Variants in SRPK2 observed in about 807,000 individuals in gnomAD.
SRPK2 encodes the protein SRSF protein kinase 2, also known as SFRS protein kinase 2.
SRPK2 carries 21 observed loss-of-function variants against 90.8 expected under a neutral mutation model. The observed-to-expected ratio is 0.23, with a 90% CI of 0.16 to 0.33. The LOEUF is 0.33. SRPK2 is among the 10% of genes least tolerant of loss of function. SRPK2 has a pLI of 1.00. For missense variants in SRPK2, 620 were observed against 869.0 expected (o/e 0.71, Z 3.60); for synonymous variants, 288 against 311.1 (o/e 0.93, Z 0.78).
At position 105,388,834 on chromosome 7, in the gene SRPK2, G is replaced by T; in HGVS notation, c.-28C>A. 9 of 1,335,868 alleles carry T rather than the reference G, an allele frequency of 6.7e-6. No homozygotes were observed. Among genetic ancestry groups the T allele is most frequent in the South Asian group, 2.0e-5 (1 of 50,046 alleles). 82.8% of individuals were successfully genotyped at this position (1,335,868 alleles called of 1,614,324 possible). A position where few individuals can be genotyped will look rare whatever the true frequency, so the allele number is the denominator to read the frequency against. The stretch of plus-strand genomic sequence containing the variant: ...CGACGCGGCGGAAGCGGGGCGGGGG[G>T]CTTCGCGACGGCGACGCGGGCGCCG... On this transcript the variant is annotated 5_prime_UTR_variant, in exon 1 of 16. Transcript: ENST00000393651.
intron 2 of SRPK2, among the ~76,000 whole-genome samples, chr7:105,233,092 G>GA (rs71853316): frequency 0.044 from 381 of 8,694 alleles, 1 homozygote; most frequent in Non-Finnish European, 0.061. Flanking sequence ...AGGAAGGAAA[G>GA]AAGGAAGGAA....
At chr7:105,337,387 T>C (rs988416659) in intron 2 of SRPK2, among the ~76,000 whole-genome samples, 2 of 151,554 alleles carry the variant, frequency 1.3e-5, no homozygotes, top group Admixed American at 6.6e-5. Flanking sequence ...CAATCTTAGC[T>C]CACTGCAAAC....
intron 2 of SRPK2, among the ~76,000 whole-genome samples, chr7:105,309,059 A>G (rs746254981): frequency 9.2e-5 from 14 of 152,196 alleles, no homozygotes; most frequent in Non-Finnish European, 1.9e-4. Context: ...AGTGGGAGTT[A>G]TGGACCATAA....
chr7:105,115,517 A>AAGAT (rs755586249), downstream of SRPK2: 1 of 152,182 alleles, frequency 6.6e-6, no homozygotes, highest in Admixed American at 6.5e-5. Flanking sequence ...CAGAAAGGAA[A>AAGAT]AGATAGATAG....
chr7:105,277,558 A>C (rs1806689204), intron 2 of SRPK2, among the ~76,000 whole-genome samples: 1 of 152,218 alleles, frequency 6.6e-6, no homozygotes, highest in South Asian at 2.1e-4. Context: ...CCTCTGCGTA[A>C]TCTAGGAGGG....
chr7:105,127,354 G>A (rs1180697143), intron 13 of SRPK2, among the ~76,000 whole-genome samples: 2 of 152,194 alleles, frequency 1.3e-5, no homozygotes, highest in Admixed American at 1.3e-4. Flanking sequence ...TGGCCAGAGC[G>A]CGGTATGCAC....
At chr7:105,377,606 G>C (rs1820456823) in intron 2 of SRPK2, among the ~76,000 whole-genome samples, 1 of 152,118 alleles carries the variant, frequency 6.6e-6, no homozygotes, top group Non-Finnish European at 1.5e-5. Context: ...GCTGAGGTGG[G>C]AGAATTGCTT....
At chr7:105,371,303 A>C (rs960666739) in intron 2 of SRPK2, among the ~76,000 whole-genome samples, 2 of 151,944 alleles carry the variant, frequency 1.3e-5, no homozygotes, top group Non-Finnish European at 2.9e-5. Context: ...ACTCGGGAAC[A>C]TGGTGAAAAA....
intron 3 of SRPK2, among the ~76,000 whole-genome samples, chr7:105,176,239 C>T (rs892471096): frequency 2.6e-5 from 4 of 152,090 alleles, no homozygotes; most frequent in Admixed American, 6.5e-5. Flanking sequence ...ATGATGAGCA[C>T]ATCAGACACA....
chr7:105,364,405 G>C (rs1056961255), intron 2 of SRPK2, among the ~76,000 whole-genome samples: 1 of 133,906 alleles, frequency 7.5e-6, no homozygotes, highest in Admixed American at 7.9e-5. Flanking sequence ...CGTGTGTAAC[G>C]TTTTTTTTTT....
intron 7 of SRPK2, among the ~76,000 whole-genome samples, chr7:105,153,717 G>A (rs1460632922): frequency 6.6e-6 from 1 of 152,178 alleles, no homozygotes; most frequent in Non-Finnish European, 1.5e-5. Context: ...AGAGCAGGGA[G>A]ACTCTGTCTC....
At chr7:105,254,444 G>A (rs1802938201) in intron 2 of SRPK2, among the ~76,000 whole-genome samples, 1 of 152,176 alleles carries the variant, frequency 6.6e-6, no homozygotes, top group Non-Finnish European at 1.5e-5. Context: ...GGCTTCACAA[G>A]TGATTCCATT....
chr7:105,334,129 T>A (rs1814774944), intron 2 of SRPK2, among the ~76,000 whole-genome samples: 1 of 152,316 alleles, frequency 6.6e-6, no homozygotes, highest in African/African-American at 2.4e-5. Context: ...GTTGCCAGGC[T>A]GGAGTGCAGT....
At chr7:105,325,354 T>G (rs965823699) in intron 2 of SRPK2, among the ~76,000 whole-genome samples, 1 of 152,118 alleles carries the variant, frequency 6.6e-6, no homozygotes, top group South Asian at 2.1e-4. Flanking sequence ...AGAGCTGGTA[T>G]GTATGGCTAA....
At chr7:105,149,034 T>C (rs1367787160) in intron 7 of SRPK2, among the ~76,000 whole-genome samples, 3 of 152,148 alleles carry the variant, frequency 2.0e-5, no homozygotes, top group Non-Finnish European at 2.9e-5. Flanking sequence ...TAGTCTGAAA[T>C]ATGGCCTCGT....
intron 2 of SRPK2, among the ~76,000 whole-genome samples, chr7:105,299,658 T>TA (rs1281796361): frequency 1.3e-5 from 2 of 152,144 alleles, no homozygotes; most frequent in African/African-American, 4.8e-5. Context: ...TTTGGGAGGC[T>TA]ATGGCAGGCA....
intron 2 of SRPK2, among the ~76,000 whole-genome samples, chr7:105,279,917 G>T (rs910966709): frequency 1.3e-5 from 2 of 152,094 alleles, no homozygotes; most frequent in Admixed American, 6.5e-5. Context: ...TCAGCAGGAG[G>T]CCAAGTTTTA....
At chr7:105,142,997 A>C in intron 10 of SRPK2, 87 bp downstream of exon 10, 1 of 1,513,578 alleles carries the variant, frequency 6.6e-7, no homozygotes, top group South Asian at 1.3e-5. Flanking sequence ...CAGCAGCAGC[A>C]CAAATCAGCC....
intron 2 of SRPK2, among the ~76,000 whole-genome samples, chr7:105,328,468 C>A (rs529116004): frequency 9.7e-5 from 14 of 144,538 alleles, no homozygotes; most frequent in African/African-American, 3.6e-4. Context: ...GAGGCTGAGG[C>A]AGGAGAATCA....
Sources: allele counts gnomAD v4.1 joint callset (sites outside exome capture counted in the v4.1 genomes callset), GRCh38; gene constraint gnomAD v4.1.1; transcripts MANE v1.5; gene names NCBI Gene and HGNC (gene_info 2026-07-23, HGNC 2026-07-21).